Variants in ATRNL1 observed in about 807,000 individuals in gnomAD.
ATRNL1 encodes attractin-like protein 1.
ATRNL1 carries 95 observed loss-of-function variants against 182.7 expected under a neutral mutation model. The ratio of observed to expected loss-of-function variants is 0.52; its 90% CI spans 0.44 to 0.62. ATRNL1 has a LOEUF of 0.62. Ranked by LOEUF, ATRNL1 falls within the 20% of genes least tolerant of loss-of-function variation. The pLI is 0.00. For synonymous variants in ATRNL1, 576 were observed against 568.3 expected, an observed-to-expected ratio of 1.01 and a Z score of -0.19; for missense variants, 1,471 against 1,679.5, an observed-to-expected ratio of 0.88 and a Z score of 2.17.
intron 26 of ATRNL1, among the ~76,000 whole-genome samples, chr10:115,657,109 T>A (rs2133894343): frequency 6.6e-6 from 1 of 152,242 alleles, no homozygotes; most frequent in African/African-American, 2.4e-5. Context: ...ATATCAATAA[T>A]GTTAGGTGAG....
chr10:115,668,686 T>C (rs2133922450), intron 26 of ATRNL1, among the ~76,000 whole-genome samples: 1 of 152,282 alleles, frequency 6.6e-6, no homozygotes, highest in South Asian at 2.1e-4. Context: ...ATTTTTTCTC[T>C]AGGATTACAT....
At chr10:115,867,674 A>G (rs376400718) in intron 28 of ATRNL1, among the ~76,000 whole-genome samples, 3 of 151,974 alleles carry the variant, frequency 2.0e-5, no homozygotes, top group South Asian at 2.1e-4. Context: ...AGTTTCTCAC[A>G]GTAATAATTC....
intron 26 of ATRNL1, among the ~76,000 whole-genome samples, chr10:115,658,628 G>A (rs34665995): frequency 0.026 from 4,014 of 152,160 alleles, 65 homozygotes; most frequent in Non-Finnish European, 0.041. Context: ...TGGTCAGGAG[G>A]ATATCAGTTC....
chr10:115,265,567 G>A (rs1034073072), intron 11 of ATRNL1, among the ~76,000 whole-genome samples: 10 of 151,536 alleles, frequency 6.6e-5, no homozygotes, highest in African/African-American at 2.4e-4. Context: ...GATCAGATAA[G>A]GAATGACTCT....
chr10:115,711,546 T>C (rs1398040683), intron 26 of ATRNL1, among the ~76,000 whole-genome samples: 2 of 152,132 alleles, frequency 1.3e-5, no homozygotes, highest in Non-Finnish European at 2.9e-5. Flanking sequence ...GGCCACTGAG[T>C]TTAACCATAA....
At chr10:115,519,054 A>T (rs565871860) in intron 24 of ATRNL1, among the ~76,000 whole-genome samples, 1 of 151,950 alleles carries the variant, frequency 6.6e-6, no homozygotes, top group Non-Finnish European at 1.5e-5. Context: ...AAAATATTTA[A>T]TGTCGTATTC....
At chr10:115,174,623 G>T (rs550710734) in intron 8 of ATRNL1, among the ~76,000 whole-genome samples, 10 of 151,856 alleles carry the variant, frequency 6.6e-5, no homozygotes, top group Non-Finnish European at 1.5e-4. Context: ...GGCTTTGTTG[G>T]TCTTACAGTC....
chr10:115,491,428 T>TC (rs1213420840), intron 24 of ATRNL1, among the ~76,000 whole-genome samples: 1 of 151,892 alleles, frequency 6.6e-6, no homozygotes, highest in Non-Finnish European at 1.5e-5. Context: ...CCTTTTTTTT[T>TC]TCAGAGATGT....
At chr10:115,884,042 C>T (rs1951888139) in intron 28 of ATRNL1, among the ~76,000 whole-genome samples, 2 of 152,154 alleles carry the variant, frequency 1.3e-5, no homozygotes, top group South Asian at 4.1e-4. Flanking sequence ...TCTGTGGCAA[C>T]AATGCTAGAG....
chr10:115,875,649 G>C (rs1252597794), intron 28 of ATRNL1, among the ~76,000 whole-genome samples: 1 of 152,146 alleles, frequency 6.6e-6, no homozygotes, highest in Non-Finnish European at 1.5e-5. Flanking sequence ...GCTTTGCATA[G>C]GTCATTTGTT....
intron 9 of ATRNL1, among the ~76,000 whole-genome samples, chr10:115,238,516 T>C (rs1850277261): frequency 6.6e-6 from 1 of 151,930 alleles, no homozygotes. Context: ...ATGTAAATGG[T>C]ATTGTGTTTT....
chr10:115,693,987 G>A (rs1355786645), intron 26 of ATRNL1, among the ~76,000 whole-genome samples: 4 of 152,056 alleles, frequency 2.6e-5, no homozygotes, highest in Admixed American at 2.6e-4. Context: ...AAAATATAAT[G>A]TAAGTCAAAT....
At chr10:115,807,661 C>T (rs1744697749) in intron 27 of ATRNL1, among the ~76,000 whole-genome samples, 1 of 152,144 alleles carries the variant, frequency 6.6e-6, no homozygotes, top group African/African-American at 2.4e-5. Flanking sequence ...CATTGTCATG[C>T]TTATGTTCAT....
chr10:115,702,215 A>G (rs1946759521), intron 26 of ATRNL1, among the ~76,000 whole-genome samples: 1 of 151,988 alleles, frequency 6.6e-6, no homozygotes, highest in African/African-American at 2.4e-5. Flanking sequence ...ATAAAATCCA[A>G]CATCCCTTCA....
chr10:115,692,828 C>G (rs1946435013), intron 26 of ATRNL1, among the ~76,000 whole-genome samples: 1 of 151,998 alleles, frequency 6.6e-6, no homozygotes, highest in Admixed American at 6.6e-5. Flanking sequence ...CAAAGTATTT[C>G]AAGCTTAGTG....
rs868946819 is a variant in ATRNL1, at chr10:115,672,317, G to T, written c.3796-54931G>T. Among the ~76,000 whole-genome samples the T allele has an allele frequency of 3.9e-5, 6 of 152,176 alleles. No individual in the cohort carries two copies. The South Asian group carries it at 6.2e-4, about 16-fold the overall frequency. ...AACAGCCTAGGAAGTTGCAGAGCTG[G>T]AATTTCAATTGAGGTTGCCTCCGAA... On this transcript the variant is annotated intron_variant, in intron 26 of 28. Transcript: ENST00000355044.
intron 27 of ATRNL1, among the ~76,000 whole-genome samples, chr10:115,800,152 T>C (rs1949759183): frequency 6.6e-6 from 1 of 150,776 alleles, no homozygotes; most frequent in Admixed American, 6.6e-5. Flanking sequence ...CCCCACGAGA[T>C]GGAGGTTGAA....
chr10:115,332,709 T>C (rs1285641219), intron 18 of ATRNL1, among the ~76,000 whole-genome samples: 2 of 152,232 alleles, frequency 1.3e-5, no homozygotes, highest in African/African-American at 4.8e-5. Flanking sequence ...CTTTTGTTTG[T>C]CTGTTTCTTC....
chr10:115,096,468 A>G (rs2085013439), intron 1 of ATRNL1, among the ~76,000 whole-genome samples: 1 of 152,232 alleles, frequency 6.6e-6, no homozygotes, highest in Non-Finnish European at 1.5e-5. Context: ...GTAATAACAC[A>G]GTGGGAAAGG....
Sources: gnomAD v4.1 joint callset for allele counts (sites outside exome capture counted in the v4.1 genomes callset) on GRCh38, gnomAD v4.1.1 for gene constraint, MANE v1.5 for transcripts, NCBI Gene and HGNC (gene_info 2026-07-23, HGNC 2026-07-21) for gene names.